NTNG1: variants seen among roughly 807,000 people sequenced by gnomAD.
The protein encoded by NTNG1 is netrin-G1.
In NTNG1, 16 loss-of-function variants were observed where a neutral mutation model predicts 54.0. The observed-to-expected ratio is 0.30, with a 90% CI of 0.20 to 0.45. The LOEUF is 0.45. NTNG1 is among the 20% of genes least tolerant of loss of function. The probability of loss-of-function intolerance (pLI) is 1.00; values close to 1 mark genes in which losing one functional copy is unlikely to be tolerated. For synonymous variants in NTNG1, 255 were observed against 263.1 expected (o/e 0.97, Z 0.30); for missense variants, 530 against 678.7 (o/e 0.78, Z 2.43).
chr1:107,463,486 T>C (rs1200786411), intron 7 of NTNG1, among the ~76,000 whole-genome samples: 1 of 152,114 alleles, frequency 6.6e-6, no homozygotes, highest in Non-Finnish European at 1.5e-5. Context: ...TTATTAGTTA[T>C]GTAATGCTAG....
chr1:107,218,147 A>G (rs1045165574), intron 2 of NTNG1, among the ~76,000 whole-genome samples: 1 of 152,014 alleles, frequency 6.6e-6, no homozygotes, highest in Non-Finnish European at 1.5e-5. Flanking sequence ...TTAGGTGCAT[A>G]TTTATTTAGG....
intron 2 of NTNG1, among the ~76,000 whole-genome samples, chr1:107,311,733 T>C: frequency 6.6e-6 from 1 of 152,192 alleles, no homozygotes; most frequent in East Asian, 1.9e-4. Flanking sequence ...TTTTCTTGAA[T>C]CATTAAAAAT....
intron 5 of NTNG1, among the ~76,000 whole-genome samples, chr1:107,429,088 G>A (rs939640334): frequency 1.3e-5 from 2 of 152,032 alleles, no homozygotes; most frequent in Non-Finnish European, 2.9e-5. Context: ...ACGTACACAT[G>A]GTGATACAGC....
At chr1:107,306,141 T>C (rs550878207) in intron 2 of NTNG1, among the ~76,000 whole-genome samples, 67 of 152,286 alleles carry the variant, frequency 4.4e-4, no homozygotes, top group Middle Eastern at 6.8e-3. Context: ...TACTATCCTA[T>C]AGAAATATAA....
At chr1:107,411,591 T>G (rs1673812866) in intron 5 of NTNG1, among the ~76,000 whole-genome samples, 1 of 152,052 alleles carries the variant, frequency 6.6e-6, no homozygotes, top group East Asian at 1.9e-4. Context: ...TTGTTTGGGT[T>G]TTTTTTTCCC....
intron 5 of NTNG1, among the ~76,000 whole-genome samples, chr1:107,419,537 A>G (rs1674445605): frequency 2.6e-5 from 4 of 151,908 alleles, no homozygotes; most frequent in Admixed American, 2.6e-4. Context: ...ATTTATATTA[A>G]CATCTAGCCT....
chr1:107,182,671 G>A (rs1657158814), intron 2 of NTNG1, among the ~76,000 whole-genome samples: 1 of 151,966 alleles, frequency 6.6e-6, no homozygotes, highest in African/African-American at 2.4e-5. Context: ...TGATTCTCTG[G>A]GATTTTGAGA....
chr1:107,222,928 C>G (rs11185070), intron 2 of NTNG1, among the ~76,000 whole-genome samples: 249 of 150,650 alleles, frequency 1.7e-3, no homozygotes, highest in African/African-American at 6.0e-3. Flanking sequence ...GGTCCTGGAG[C>G]TGGGGAAAGA....
At chr1:107,335,887 G>A (rs1308256201) in intron 3 of NTNG1, among the ~76,000 whole-genome samples, 1 of 151,686 alleles carries the variant, frequency 6.6e-6, no homozygotes. Context: ...AGATCCAAAA[G>A]CCTTGTACAC....
chr1:107,449,160 C>G (rs1008072350), intron 7 of NTNG1, among the ~76,000 whole-genome samples: 1 of 151,870 alleles, frequency 6.6e-6, no homozygotes, highest in African/African-American at 2.4e-5. Flanking sequence ...CAGTGGCTAA[C>G]CTTTGTGTCA....
chr1:107,474,941 CA>C (rs1227550446), intron 7 of NTNG1, among the ~76,000 whole-genome samples: 6 of 152,164 alleles, frequency 3.9e-5, no homozygotes, highest in African/African-American at 1.2e-4. Context: ...CTCCTATGTA[CA>C]GGGGAAGAGG....
chr1:107,194,316 A>G (rs912707884), intron 2 of NTNG1, among the ~76,000 whole-genome samples: 2 of 152,026 alleles, frequency 1.3e-5, no homozygotes, highest in African/African-American at 4.8e-5. Flanking sequence ...TCACTTCCCT[A>G]TGGCATTCAC....
intron 2 of NTNG1, among the ~76,000 whole-genome samples, chr1:107,151,806 A>G (rs995799352): frequency 1.6e-4 from 24 of 152,142 alleles, no homozygotes; most frequent in African/African-American, 5.8e-4. Flanking sequence ...GAAGGAGCAT[A>G]TGGATTCCAT....
intron 3 of NTNG1, among the ~76,000 whole-genome samples, chr1:107,389,420 T>TAA (rs11381334): frequency 4.6e-5 from 7 of 152,108 alleles, no homozygotes; most frequent in South Asian, 2.1e-4. Flanking sequence ...TATTAAGTTA[T>TAA]AAAAAAATAA....
At chr1:107,349,138 C>T (rs1027589959) in intron 3 of NTNG1, among the ~76,000 whole-genome samples, 1 of 152,080 alleles carries the variant, frequency 6.6e-6, no homozygotes, top group East Asian at 1.9e-4. Context: ...TTCAGGACCT[C>T]TTCATGAGCT....
intron 2 of NTNG1, among the ~76,000 whole-genome samples, chr1:107,241,677 C>G (rs1241403437): frequency 6.6e-6 from 1 of 152,152 alleles, no homozygotes; most frequent in Non-Finnish European, 1.5e-5. Context: ...ATACCCTGTT[C>G]CCTCAAGAAA....
chr1:107,224,416 G>A (rs927745273), intron 2 of NTNG1, among the ~76,000 whole-genome samples: 2 of 152,072 alleles, frequency 1.3e-5, no homozygotes, highest in Non-Finnish European at 2.9e-5. Context: ...GACACTCGAG[G>A]GCATTGGTCA....
At chr1:107,439,242 C>T (rs1340051714) in intron 7 of NTNG1, among the ~76,000 whole-genome samples, 2 of 151,128 alleles carry the variant, frequency 1.3e-5, no homozygotes, top group East Asian at 3.9e-4. Context: ...CTTGGGTAAA[C>T]GTGATTGAGC....
intron 7 of NTNG1, among the ~76,000 whole-genome samples, chr1:107,450,032 A>G (rs184665698): frequency 2.0e-5 from 3 of 152,234 alleles, no homozygotes; most frequent in Admixed American, 6.5e-5. Context: ...ATTCCTACTG[A>G]TAGGTTTATC....
Sources: gnomAD v4.1 joint callset for allele counts (sites outside exome capture counted in the v4.1 genomes callset) on GRCh38, gnomAD v4.1.1 for gene constraint, MANE v1.5 for transcripts, NCBI Gene and HGNC (gene_info 2026-07-23, HGNC 2026-07-21) for gene names.